CDYL: variants seen among roughly 807,000 people sequenced by gnomAD.
The protein encoded by CDYL is chromodomain Y like.
A neutral mutation model predicts 47.3 loss-of-function variants in CDYL; 8 were observed. The ratio of observed to expected loss-of-function variants is 0.17; its 90% CI spans 0.10 to 0.31. The LOEUF is 0.31. CDYL is among the 10% of genes least tolerant of loss of function. The probability of loss-of-function intolerance (pLI) is 1.00; values close to 1 mark genes in which losing one functional copy is unlikely to be tolerated. For missense variants in CDYL, 471 were observed against 701.4 expected, an observed-to-expected ratio of 0.67 and a Z score of 3.71; for synonymous variants, 266 against 265.0, an observed-to-expected ratio of 1.00 and a Z score of -0.04.
chr6:4,900,243 A>G (rs1308991411), intron 2 of CDYL, among the ~76,000 whole-genome samples: 1 of 152,140 alleles, frequency 6.6e-6, no homozygotes, highest in Non-Finnish European at 1.5e-5. Flanking sequence ...ATTTAACATC[A>G]TGTCTTGGAG....
Position 4,753,125 on chromosome 6 carries a change from T to A in CDYL, c.186+18281T>A, listed in dbSNP as rs553849427. Among the ~76,000 whole-genome samples, 3 of 152,212 alleles carry A rather than the reference T, an allele frequency of 2.0e-5. No individual in the cohort carries two copies. The East Asian group carries it at 5.8e-4, about 29-fold the overall frequency. On this transcript the variant is annotated intron_variant, in intron 3 of 8. Transcript: ENST00000328908. ...CGGGGTTTTGCCATGTAGCTCGGGCTGGACTCGAACTCCTGAGCTCAAGCA... is the reference window on the plus strand; with the variant it reads ...CGGGGTTTTGCCATGTAGCTCGGGCAGGACTCGAACTCCTGAGCTCAAGCA...
At chr6:4,831,454 C>T (rs1760141610) in intron 1 of CDYL, among the ~76,000 whole-genome samples, 1 of 152,126 alleles carries the variant, frequency 6.6e-6, no homozygotes, top group South Asian at 2.1e-4. Flanking sequence ...GTTTTGGTAC[C>T]AGTACCATGC....
chr6:4,816,671 T>C (rs1048523534), intron 1 of CDYL, among the ~76,000 whole-genome samples: 1 of 151,914 alleles, frequency 6.6e-6, no homozygotes, highest in African/African-American at 2.4e-5. Context: ...GTATTTTTAG[T>C]AGAGACGGGG....
intron 3 of CDYL, among the ~76,000 whole-genome samples, chr6:4,735,299 GAAAA>G (rs201625611): frequency 3.6e-5 from 5 of 137,634 alleles, no homozygotes; most frequent in South Asian, 4.6e-4. Flanking sequence ...TCAAAAAAAA[GAAAA>G]AAAAAAGGAC....
chr6:4,822,683 A>G (rs1323743070), intron 1 of CDYL, among the ~76,000 whole-genome samples: 2 of 152,194 alleles, frequency 1.3e-5, no homozygotes, highest in Non-Finnish European at 2.9e-5. Flanking sequence ...CCTTTGCCAC[A>G]CATTGCTGCC....
At chr6:4,947,577 G>T (rs1257188336) in intron 5 of CDYL, among the ~76,000 whole-genome samples, 1 of 152,150 alleles carries the variant, frequency 6.6e-6, no homozygotes, top group Non-Finnish European at 1.5e-5. Flanking sequence ...AGGTACTGTG[G>T]CTTCTCCACC....
chr6:4,777,664 ACT>A (rs1758507383), intron 1 of CDYL, among the ~76,000 whole-genome samples: 1 of 151,966 alleles, frequency 6.6e-6, no homozygotes, highest in Non-Finnish European at 1.5e-5. Flanking sequence ...ACTTGCGAAG[ACT>A]CTCTAGACTC....
At chr6:4,886,808 G>A (rs975998565) in intron 1 of CDYL, among the ~76,000 whole-genome samples, 4 of 151,854 alleles carry the variant, frequency 2.6e-5, no homozygotes, top group Non-Finnish European at 4.4e-5. Flanking sequence ...AAATTACACC[G>A]CTATATTCTT....
rs1758466255 is a variant in CDYL at position 4,776,774 on chromosome 6, G to A, written c.-10G>A. ...CCCTGCCCCTCCCGCCCGCAACTCC[G>A]CCGCCCACCATGGCTTCCGAGGAGC... is the stretch of plus-strand genomic sequence containing the variant. On this transcript the variant is annotated 5_prime_UTR_variant, in exon 1 of 7. Transcript: ENST00000397588. 9.9e-6 allele frequency: 7 copies of A among 707,484 alleles called. No homozygotes were observed. Among genetic ancestry groups the A allele is most frequent in the Admixed American group, 4.1e-5 (1 of 24,446 alleles). 43.8% of individuals were successfully genotyped at this position (707,484 alleles called of 1,614,324 possible). A position where few individuals can be genotyped will look rare whatever the true frequency, so the allele number is the denominator to read the frequency against.
intron 1 of CDYL, among the ~76,000 whole-genome samples, chr6:4,812,433 G>C (rs935431733): frequency 6.6e-6 from 1 of 152,224 alleles, no homozygotes; most frequent in Admixed American, 6.5e-5. Context: ...AAAGTAGCTG[G>C]ATAGAAGAGT....
chr6:4,889,581 G>A (rs1439306113), intron 1 of CDYL, among the ~76,000 whole-genome samples: 2 of 152,124 alleles, frequency 1.3e-5, no homozygotes, highest in African/African-American at 4.8e-5. Flanking sequence ...TGATGTGTGA[G>A]TTATAAAATT....
intron 1 of CDYL, among the ~76,000 whole-genome samples, chr6:4,821,084 T>C (rs559704181): frequency 1.3e-5 from 2 of 152,158 alleles, no homozygotes; most frequent in Non-Finnish European, 2.9e-5. Flanking sequence ...TCATTTTACC[T>C]TTATCATTAT....
At chr6:4,785,001 G>A (rs1330488616) in intron 1 of CDYL, among the ~76,000 whole-genome samples, 2 of 152,204 alleles carry the variant, frequency 1.3e-5, no homozygotes, top group Admixed American at 6.5e-5. Context: ...ATGTGGAACT[G>A]AGTTAATTAA....
intron 1 of CDYL, among the ~76,000 whole-genome samples, chr6:4,841,594 C>T (rs1393895646): frequency 3.9e-5 from 6 of 152,058 alleles, no homozygotes; most frequent in African/African-American, 9.7e-5. Context: ...GGTTGTGTCA[C>T]TATTATCGTT....
chr6:4,863,144 A>G (rs1274964096), intron 1 of CDYL, among the ~76,000 whole-genome samples: 4 of 152,202 alleles, frequency 2.6e-5, no homozygotes, highest in African/African-American at 9.6e-5. Flanking sequence ...TGGGAACTAA[A>G]CAGTGGGTAC....
chr6:4,795,884 G>A (rs1245074491), intron 1 of CDYL, among the ~76,000 whole-genome samples: 1 of 151,432 alleles, frequency 6.6e-6, no homozygotes, highest in African/African-American at 2.4e-5. Context: ...TCTAAATGCA[G>A]CTTTTGCTGC....
chr6:4,929,515 CACACACACACAT>C (rs1757974021), intron 2 of CDYL, among the ~76,000 whole-genome samples: 2 of 151,572 alleles, frequency 1.3e-5, no homozygotes, highest in African/African-American at 4.9e-5. Context: ...CACACACACA[CACACACACACAT>C]ACATACACAC....
intron 1 of CDYL, among the ~76,000 whole-genome samples, chr6:4,868,802 A>T (rs1458713915): frequency 1.3e-5 from 2 of 152,218 alleles, no homozygotes. Flanking sequence ...TGAGGATCAT[A>T]CATACACACA....
At chr6:4,730,920 C>G (rs1696966369) in intron 2 of CDYL, among the ~76,000 whole-genome samples, 1 of 152,110 alleles carries the variant, frequency 6.6e-6, no homozygotes, top group Non-Finnish European at 1.5e-5. Flanking sequence ...ACCTATTTAG[C>G]AAATATCCTG....
Sources: allele counts gnomAD v4.1 joint callset (sites outside exome capture counted in the v4.1 genomes callset), GRCh38; gene constraint gnomAD v4.1.1; transcripts MANE v1.5; gene names NCBI Gene and HGNC (gene_info 2026-07-23, HGNC 2026-07-21).